The following ARPC2 variants were observed in gnomAD, a reference collection of about 807,000 sequenced individuals.
The protein encoded by ARPC2 is actin related protein 2/3 complex subunit 2.
Under a neutral mutation model 38.6 loss-of-function variants are expected in ARPC2, and 4 were observed. The ratio of observed to expected loss-of-function variants is 0.10; its 90% confidence interval spans 0.05 to 0.24. The LOEUF is 0.24. Among genes scored for constraint, ARPC2 ranks in the 10% least tolerant of loss-of-function variants. The probability of loss-of-function intolerance (pLI) is 1.00; values close to 1 mark genes in which losing one functional copy is unlikely to be tolerated. For missense variants in ARPC2, 229 were observed against 387.3 expected (o/e 0.59, Z 3.43); for synonymous variants, 125 against 140.8 (o/e 0.89, Z 0.79).
chr2:218,238,959 G>T, intron 6 of ARPC2, 109 bp downstream of exon 6: 1 of 918,894 alleles, frequency 1.1e-6, no homozygotes, highest in Non-Finnish European at 1.6e-6. Flanking sequence ...GCGTGAAAAT[G>T]TTTTTCTCAT....
chr2:218,225,327 C>T (rs997591647), intron 2 of ARPC2, among the ~76,000 whole-genome samples: 1 of 152,084 alleles, frequency 6.6e-6, no homozygotes, highest in African/African-American at 2.4e-5. Flanking sequence ...ATTTACAAAG[C>T]AAGACAAAAC....
rs185748932 is a variant in ARPC2 at position 218,239,540 on chromosome 2, C to T, written c.549+56C>T. 9.5e-6 allele frequency: 13 copies of T among 1,370,250 alleles called. No individual in the cohort carries two copies. The East Asian group carries it at 3.0e-4, about 31-fold the overall frequency. 84.9% of individuals were successfully genotyped at this position (1,370,250 alleles called of 1,614,324 possible). On this transcript the variant is annotated intron_variant, in intron 7 of 10. Transcript: ENST00000315717. ...TGCATGGCGACTTATACCTTTGCAC[C>T]CAAACATACCATGAGCGTAGGAAAG...
At chr2:218,242,623 G>T (rs960133057) in intron 7 of ARPC2, among the ~76,000 whole-genome samples, 1 of 152,220 alleles carries the variant, frequency 6.6e-6, no homozygotes, top group Non-Finnish European at 1.5e-5. Flanking sequence ...ACCAGTGATG[G>T]AGAGGAGTGC....
intron 10 of ARPC2, among the ~76,000 whole-genome samples, chr2:218,250,710 C>G (rs1175284379): frequency 6.6e-6 from 1 of 151,368 alleles, no homozygotes; most frequent in Non-Finnish European, 1.5e-5. Flanking sequence ...AGGGGTGTGG[C>G]TCTGCATGCA....
At position 218,253,930 on chromosome 2, in the gene ARPC2, G is replaced by A. The variant is rs201131392; in HGVS notation, c.*15G>A. ...CATCCCGCTAATCTTGGGAATAAGA[G>A]GAGGAAGCGGCTGGCAACTGAAGGC... On this transcript the variant is annotated 3_prime_UTR_variant, in exon 11 of 11. Transcript: ENST00000315717. 6.2e-7 allele frequency: 1 copy of A among 1,613,954 alleles called. No individual in the cohort carries two copies. The highest frequency in any genetic ancestry group is 1.3e-5 in the African/African-American group (1 of 75,000).
chr2:218,224,605 G>A (rs1689455635), intron 2 of ARPC2, among the ~76,000 whole-genome samples: 1 of 152,172 alleles, frequency 6.6e-6, no homozygotes. Context: ...TTTTCATCTA[G>A]TTTTTTCCTT....
At chr2:218,240,736 A>G (rs1271465949) in intron 7 of ARPC2, among the ~76,000 whole-genome samples, 5 of 150,538 alleles carry the variant, frequency 3.3e-5, no homozygotes, top group Non-Finnish European at 7.4e-5. Context: ...CTAAAAAAAT[A>G]CAAAAAATTA....
In ARPC2 at chr2:218,245,517, T is replaced by G. The variant is rs774805325; in HGVS notation, c.647T>G (p.Val216Gly). ...PLELKDTDAA[V>G]GDNIGYITFV... ...GAGCTGAAAGACACAGACGCCGCTG[T>G]GGGTGACAACATTGGCTACATTACC... The change falls in exon 8 of 11, where the codon GTG becomes GGG. Residue 216 changes from valine (V) to glycine (G), a missense_variant. By Grantham distance (109) the Val-to-Gly change is moderately radical. Coordinates refer to ENST00000315717, the MANE Select transcript of ARPC2 (RefSeq NM_152862.3). The G allele has an allele frequency of 2.5e-6, 4 of 1,614,208 alleles. No individual in the cohort carries two copies. Among genetic ancestry groups the G allele is most frequent in the Non-Finnish European group, 3.4e-6 (4 of 1,180,024 alleles).
chr2:218,244,562 A>G (rs541665131), intron 7 of ARPC2, among the ~76,000 whole-genome samples: 1 of 152,390 alleles, frequency 6.6e-6, no homozygotes, highest in African/African-American at 2.4e-5. Flanking sequence ...AGCCAGATAC[A>G]TTAATGAATG....
At chr2:218,217,307 T>TCGAA in intron 1 of ARPC2, 53 bp downstream of exon 1, 1 of 643,458 alleles carries the variant, frequency 1.6e-6, no homozygotes, top group East Asian at 2.8e-5. Context: ...GCCAGCGCGT[T>TCGAA]CGTCTTACCC....
At chr2:218,245,579 C>T in intron 8 of ARPC2, 33 bp downstream of exon 8, 6 of 1,612,902 alleles carry the variant, frequency 3.7e-6, no homozygotes, top group Non-Finnish European at 5.1e-6. Context: ...TTTTGTGCCG[C>T]TTTAATGAGT....
chr2:218,220,784 T>G (rs1689365332), intron 2 of ARPC2, among the ~76,000 whole-genome samples: 1 of 152,108 alleles, frequency 6.6e-6, no homozygotes, highest in African/African-American at 2.4e-5. Context: ...AAGCCTAAGG[T>G]TCATTCCAAA....
At chr2:218,251,732 C>T (rs763338571) in intron 10 of ARPC2, among the ~76,000 whole-genome samples, 5 of 152,152 alleles carry the variant, frequency 3.3e-5, no homozygotes, top group Non-Finnish European at 5.9e-5. Context: ...GGATAACAGA[C>T]ATGAGCCACC....
rs191426990 is a variant in ARPC2, at chr2:218,250,117, G to A, written c.878+196G>A. On this transcript the variant is annotated intron_variant, in intron 10 of 10. Coordinates refer to ENST00000315717, the MANE Select transcript of ARPC2 (RefSeq NM_152862.3). ...GGCCAGGATGGGTTTCCTTGTTTCCGTATCTTTGTGAGCTATGAGAATGGC... is the reference window on the plus strand; with the variant it reads ...GGCCAGGATGGGTTTCCTTGTTTCCATATCTTTGTGAGCTATGAGAATGGC... 5.1e-4 allele frequency among the ~76,000 whole-genome samples: 77 copies of A among 152,298 alleles called. 1 individual carries two copies. In the East Asian group the frequency reaches 9.9e-3, roughly 20 times the overall value.
chr2:218,220,811 T>G (rs1391354511), intron 2 of ARPC2, among the ~76,000 whole-genome samples: 2 of 152,144 alleles, frequency 1.3e-5, no homozygotes, highest in African/African-American at 4.8e-5. Flanking sequence ...GCTTTTTAAT[T>G]TTTTCCTACA....
Position 218,238,590 on chromosome 2 carries a change from CTTTTTTTTTTT to C in ARPC2, c.269-62_269-52del, listed in dbSNP as rs34654904. On this transcript the variant is annotated intron_variant, in intron 5 of 10. Transcript: ENST00000315717. The stretch of plus-strand genomic sequence containing the variant: ...TTTACTTGGTATAGATAGTATGCTG[CTTTTTTTTTTT>C]TTTTTTTTTTTAAATGTAACTGCTG... 10 of 425,412 alleles carry C rather than the reference CTTTTTTTTTTT, an allele frequency of 2.4e-5. No individual in the cohort carries two copies. The East Asian group carries it at 3.0e-4, about 13-fold the overall frequency. The allele number at this position is 425,412 out of a possible 1,614,324, so 26.4% of individuals were successfully genotyped here.
At chr2:218,217,355 C>T (rs1037668883) in intron 1 of ARPC2, 101 bp downstream of exon 1, 17 of 840,682 alleles carry the variant, frequency 2.0e-5, no homozygotes, top group South Asian at 4.3e-5. Context: ...TCTCCCCTAA[C>T]CTCCTACCCC....
At chr2:218,232,453 C>T (rs139705764) in intron 4 of ARPC2, among the ~76,000 whole-genome samples, 2 of 151,978 alleles carry the variant, frequency 1.3e-5, no homozygotes, top group East Asian at 3.9e-4. Flanking sequence ...CTGGGAAGTC[C>T]AAGAGCGTGG....
intron 2 of ARPC2, among the ~76,000 whole-genome samples, chr2:218,217,873 G>A (rs879483157): frequency 6.6e-6 from 1 of 152,246 alleles, no homozygotes. Context: ...GCGAGAAGGG[G>A]ACCCCTTCCC....
Sources: gnomAD v4.1 joint callset for allele counts (sites outside exome capture counted in the v4.1 genomes callset) on GRCh38, gnomAD v4.1.1 for gene constraint, MANE v1.5 for transcripts, NCBI Gene and HGNC (gene_info 2026-07-23, HGNC 2026-07-21) for gene names.